Variants in RFX3 observed in about 807,000 individuals in gnomAD.
The protein encoded by RFX3 is transcription factor RFX3.
RFX3 carries 14 observed loss-of-function variants against 98.6 expected under a neutral mutation model. The observed-to-expected ratio is 0.14, with a 90% CI of 0.09 to 0.22. RFX3 has a LOEUF of 0.22. RFX3 is among the 10% of genes least tolerant of loss of function. The pLI is 1.00. For synonymous variants in RFX3, 383 were observed against 328.4 expected (o/e 1.17, Z -1.80); for missense variants, 639 against 926.9 (o/e 0.69, Z 4.03).
chr9:3,462,644 A>G (rs1587750099), intron 1 of RFX3, among the ~76,000 whole-genome samples: 1 of 152,226 alleles, frequency 6.6e-6, no homozygotes, highest in East Asian at 1.9e-4. Context: ...AACATTTTTA[A>G]GAGTTTACCA....
chr9:3,450,861 C>G (rs1350167782), intron 1 of RFX3, among the ~76,000 whole-genome samples: 2 of 152,122 alleles, frequency 1.3e-5, no homozygotes, highest in African/African-American at 4.8e-5. Flanking sequence ...ATTGCAATGA[C>G]TTAATTTAGT....
At chr9:3,232,479 C>T (rs1818599872) in intron 15 of RFX3, among the ~76,000 whole-genome samples, 2 of 152,302 alleles carry the variant, frequency 1.3e-5, no homozygotes, top group Admixed American at 1.3e-4. Context: ...TAATATATGT[C>T]TTCCCAACCA....
chr9:3,473,403 G>A (rs1848952882), intron 1 of RFX3, among the ~76,000 whole-genome samples: 1 of 152,080 alleles, frequency 6.6e-6, no homozygotes, highest in Non-Finnish European at 1.5e-5. Flanking sequence ...TCTAACTCTG[G>A]GGTCTAGCCA....
At chr9:3,233,888 A>G (rs1183738534) in intron 15 of RFX3, among the ~76,000 whole-genome samples, 1 of 152,170 alleles carries the variant, frequency 6.6e-6, no homozygotes. Context: ...TTATGTATAA[A>G]TATCATCATT....
At chr9:3,246,725 A>G (rs1323935734) in intron 15 of RFX3, among the ~76,000 whole-genome samples, 1 of 152,176 alleles carries the variant, frequency 6.6e-6, no homozygotes, top group Non-Finnish European at 1.5e-5. Flanking sequence ...AATATAAGAA[A>G]AGTCCAGATT....
chr9:3,306,039 G>C (rs1829276289), intron 4 of RFX3, among the ~76,000 whole-genome samples: 1 of 151,986 alleles, frequency 6.6e-6, no homozygotes, highest in Admixed American at 6.6e-5. Flanking sequence ...AATTCTGCTA[G>C]GTAGAAATAT....
intron 4 of RFX3, among the ~76,000 whole-genome samples, chr9:3,314,048 A>G (rs6476395): frequency 0.24 from 36,985 of 152,000 alleles, 6,698 homozygotes; most frequent in African/African-American, 0.51. Context: ...CTCGAGAAGA[A>G]CAACTCCAAG....
intron 1 of RFX3, among the ~76,000 whole-genome samples, chr9:3,508,310 C>G (rs928442972): frequency 6.6e-6 from 1 of 151,872 alleles, no homozygotes; most frequent in Non-Finnish European, 1.5e-5. Context: ...AAGTATTTAG[C>G]ACTTTCTATT....
chr9:3,386,331 G>A (rs1036076033), intron 2 of RFX3, among the ~76,000 whole-genome samples: 4 of 151,608 alleles, frequency 2.6e-5, no homozygotes, highest in African/African-American at 9.7e-5. Flanking sequence ...AATAATAATA[G>A]TAAAAAATAA....
At chr9:3,479,231 C>T (rs1272423634) in intron 1 of RFX3, among the ~76,000 whole-genome samples, 1 of 152,082 alleles carries the variant, frequency 6.6e-6, no homozygotes, top group African/African-American at 2.4e-5. Flanking sequence ...TGCCAGAATT[C>T]TAAAATGGCT....
intron 3 of RFX3, among the ~76,000 whole-genome samples, chr9:3,332,348 T>A (rs1832692337): frequency 6.6e-6 from 1 of 152,200 alleles, no homozygotes; most frequent in African/African-American, 2.4e-5. Context: ...GAAGGTAATT[T>A]TATAAAATAT....
At chr9:3,316,834 G>A (rs979927114) in intron 4 of RFX3, among the ~76,000 whole-genome samples, 2 of 152,108 alleles carry the variant, frequency 1.3e-5, no homozygotes, top group South Asian at 2.1e-4. Flanking sequence ...CCTCTTCAAG[G>A]AGAACTACAA....
Position 3,336,904 on chromosome 9 carries a change from C to A in RFX3, c.216-6387G>T, listed in dbSNP as rs147343319. Among the ~76,000 whole-genome samples, 669 of 152,170 alleles carry A rather than the reference C, an allele frequency of 4.4e-3. 6 individuals carry two copies. The highest frequency in any genetic ancestry group is 0.015 in the African/African-American group (643 of 41,530). On this transcript the variant is annotated intron_variant, in intron 3 of 16. Coordinates refer to ENST00000617270, the MANE Select transcript of RFX3 (RefSeq NM_001282116.2). ...TGTTTTTATCGTAAGAGAATATACA[C>A]ATAAATGATTTGTGTGTGAATGCCT... is the stretch of plus-strand genomic sequence containing the variant.
At chr9:3,317,399 C>G (rs1237482245) in intron 4 of RFX3, among the ~76,000 whole-genome samples, 2 of 152,142 alleles carry the variant, frequency 1.3e-5, no homozygotes, top group Non-Finnish European at 2.9e-5. Flanking sequence ...AATGTTAGAC[C>G]TAAAACTGTA....
At chr9:3,519,380 T>C (rs1388201042) in intron 1 of RFX3, among the ~76,000 whole-genome samples, 3 of 152,150 alleles carry the variant, frequency 2.0e-5, no homozygotes, top group African/African-American at 7.2e-5. Context: ...TGAGTATAAA[T>C]TGGTAAGCAA....
chr9:3,273,530 C>G (rs1294439946), intron 9 of RFX3, among the ~76,000 whole-genome samples: 1 of 152,074 alleles, frequency 6.6e-6, no homozygotes. Context: ...AATAATTATG[C>G]TCCAACTTAC....
chr9:3,270,825 T>TAC, intron 10 of RFX3, 178 bp downstream of exon 10: 1 of 823,808 alleles, frequency 1.2e-6, no homozygotes, highest in South Asian at 1.7e-5. Flanking sequence ...GGGAGCTATA[T>TAC]ACACACACTG....
intron 3 of RFX3, among the ~76,000 whole-genome samples, chr9:3,334,760 T>C (rs1328910176): frequency 6.6e-6 from 1 of 152,062 alleles, no homozygotes; most frequent in African/African-American, 2.4e-5. Flanking sequence ...TTGACAAAAA[T>C]ACACTTGCAG....
chr9:3,356,578 C>T (rs1291083181), intron 2 of RFX3, among the ~76,000 whole-genome samples: 1 of 151,734 alleles, frequency 6.6e-6, no homozygotes, highest in African/African-American at 2.4e-5. Flanking sequence ...CAATCTAACA[C>T]AAATGTTTTA....
Sources: allele counts gnomAD v4.1 joint callset (sites outside exome capture counted in the v4.1 genomes callset), GRCh38; gene constraint gnomAD v4.1.1; transcripts MANE v1.5; gene names NCBI Gene and HGNC (gene_info 2026-07-23, HGNC 2026-07-21).